The following MAN2A1 variants were observed in gnomAD, a reference collection of about 807,000 sequenced individuals.
MAN2A1 encodes alpha-mannosidase 2.
In MAN2A1, 76 loss-of-function variants were observed where a neutral mutation model predicts 142.6. The ratio of observed to expected loss-of-function variants is 0.53; its 90% CI spans 0.44 to 0.65. MAN2A1 has a LOEUF of 0.65. MAN2A1 is among the 30% of genes least tolerant of loss of function. The pLI, the probability that MAN2A1 is intolerant of heterozygous loss-of-function variation, is 0.00. For synonymous variants in MAN2A1, 559 were observed against 473.2 expected, an observed-to-expected ratio of 1.18 and a Z score of -2.35; for missense variants, 1,311 against 1,365.1, an observed-to-expected ratio of 0.96 and a Z score of 0.62.
Position 109,767,590 on chromosome 5 carries a change from G to A in MAN2A1, c.891G>A (p.Met297Ile). The change falls in exon 6 of 22, where the codon ATG becomes ATA. Residue 297 changes from methionine to isoleucine, a missense_variant. Physicochemically the swap from Met to Ile is conservative, Grantham distance 10. Coordinates refer to ENST00000261483, the MANE Select transcript of MAN2A1 (RefSeq NM_002372.4). ...AIDPFGHSPT[M>I]AYLLNRAGLS... ...ATCCCTTTGGACACTCACCAACAAT[G>A]GCTTATCTTCTAAACCGTGCTGGAC... The A allele has an allele frequency of 6.2e-7, 1 of 1,613,724 alleles. No individual in the cohort carries two copies. The highest frequency in any genetic ancestry group is 8.5e-7 in the Non-Finnish European group (1 of 1,179,736).
At chr5:109,753,235 AG>A (rs1442039650) in intron 4 of MAN2A1, among the ~76,000 whole-genome samples, 1 of 152,236 alleles carries the variant, frequency 6.6e-6, no homozygotes, top group African/African-American at 2.4e-5. Flanking sequence ...ATAACGCATA[AG>A]GGGCAGGTTT....
intron 4 of MAN2A1, among the ~76,000 whole-genome samples, chr5:109,751,770 T>A (rs562918299): frequency 6.6e-6 from 1 of 152,228 alleles, no homozygotes; most frequent in East Asian, 1.9e-4. Flanking sequence ...TAAATTCAGA[T>A]TTATTATTTT....
Position 109,819,651 on chromosome 5 carries a change from C to T in MAN2A1, c.2110-18C>T, listed in dbSNP as rs1040719509. 2 of 1,436,570 alleles carry T rather than the reference C, an allele frequency of 1.4e-6. No individual in the cohort carries two copies. The highest frequency in any genetic ancestry group is 1.4e-5 in the African/African-American group (1 of 69,020). 89.0% of individuals were successfully genotyped at this position (1,436,570 alleles called of 1,614,324 possible). A position where few individuals can be genotyped will look rare whatever the true frequency, so the allele number is the denominator to read the frequency against. The stretch of plus-strand genomic sequence containing the variant: ...ATAACATTTATCTTTAATAAATTCC[C>T]TTCCCTATCTTTTAAAGATCTCTTT... On this transcript the variant is annotated intron_variant, in intron 13 of 21. Transcript: ENST00000261483.
chr5:109,808,474 A>G (rs1754230994), intron 12 of MAN2A1, among the ~76,000 whole-genome samples: 1 of 152,046 alleles, frequency 6.6e-6, no homozygotes, highest in Non-Finnish European at 1.5e-5. Flanking sequence ...TAATAATGCA[A>G]CAAACATTTT....
At chr5:109,696,103 A>G (rs1750803442) in intron 1 of MAN2A1, among the ~76,000 whole-genome samples, 2 of 151,434 alleles carry the variant, frequency 1.3e-5, no homozygotes, top group East Asian at 1.9e-4. Context: ...TATCTAGTAT[A>G]TATCTTTTTT....
intron 5 of MAN2A1, among the ~76,000 whole-genome samples, chr5:109,762,905 A>G (rs1752891047): frequency 6.6e-6 from 1 of 152,204 alleles, no homozygotes; most frequent in African/African-American, 2.4e-5. Context: ...CATCCCATCT[A>G]AAAAATAATA....
intron 1 of MAN2A1, among the ~76,000 whole-genome samples, chr5:109,701,813 C>A (rs1561467287): frequency 6.6e-6 from 1 of 152,166 alleles, no homozygotes; most frequent in African/African-American, 2.4e-5. Flanking sequence ...CAGAAAATTT[C>A]TCCTACCTTT....
At chr5:109,693,853 A>G (rs891670399) in intron 1 of MAN2A1, among the ~76,000 whole-genome samples, 16 of 152,214 alleles carry the variant, frequency 1.1e-4, no homozygotes, top group African/African-American at 3.9e-4. Context: ...TTTCAGGGTT[A>G]ATAAATCTCA....
At chr5:109,745,232 ATTG>A (rs896160272) in intron 4 of MAN2A1, among the ~76,000 whole-genome samples, 2 of 152,208 alleles carry the variant, frequency 1.3e-5, no homozygotes, top group African/African-American at 4.8e-5. Context: ...TGTATTGTAT[ATTG>A]TTATATCTCA....
chr5:109,780,923 G>A (rs1753439426), intron 8 of MAN2A1, among the ~76,000 whole-genome samples: 1 of 152,118 alleles, frequency 6.6e-6, no homozygotes, highest in South Asian at 2.1e-4. Flanking sequence ...CGGAGATAGA[G>A]GAGGGTATGA....
At chr5:109,769,188 G>A (rs1753072336) in intron 6 of MAN2A1, among the ~76,000 whole-genome samples, 1 of 152,140 alleles carries the variant, frequency 6.6e-6, no homozygotes, top group Non-Finnish European at 1.5e-5. Context: ...CATCTACAGT[G>A]TCACCGTTGT....
chr5:109,766,047 G>A (rs1752979765), intron 5 of MAN2A1, among the ~76,000 whole-genome samples: 1 of 151,988 alleles, frequency 6.6e-6, no homozygotes, highest in Non-Finnish European at 1.5e-5. Context: ...TTGCATCTAG[G>A]TCCTTCAAGT....
chr5:109,789,591 T>C (rs1582899290), intron 12 of MAN2A1, 64 bp downstream of exon 12: 1 of 1,144,076 alleles, frequency 8.7e-7, no homozygotes, highest in Non-Finnish European at 1.2e-6. Flanking sequence ...GGTTTTATGG[T>C]TCTGGTTTTT....
At chr5:109,744,727 A>G (rs2112611119) in intron 4 of MAN2A1, among the ~76,000 whole-genome samples, 1 of 152,286 alleles carries the variant, frequency 6.6e-6, no homozygotes, top group African/African-American at 2.4e-5. Context: ...AACTTAAAAT[A>G]TATACCATGT....
intron 16 of MAN2A1, 104 bp downstream of exon 16, chr5:109,823,941 G>A: frequency 1.8e-6 from 1 of 542,330 alleles, no homozygotes; most frequent in Non-Finnish European, 3.2e-6. Flanking sequence ...TGTAGATGAT[G>A]TTTTTCTAAA....
At chr5:109,844,394 T>C (rs566272102) in intron 17 of MAN2A1, among the ~76,000 whole-genome samples, 2 of 152,326 alleles carry the variant, frequency 1.3e-5, no homozygotes, top group East Asian at 3.9e-4. Flanking sequence ...TGTGGTAGTT[T>C]TACATTTTTT....
chr5:109,729,943 T>C (rs1444920752), intron 4 of MAN2A1, among the ~76,000 whole-genome samples: 4 of 152,088 alleles, frequency 2.6e-5, no homozygotes, highest in Admixed American at 1.3e-4. Flanking sequence ...AGTGAGCCAA[T>C]ATAGTGCCAC....
At chr5:109,851,250 G>A (rs1007963960) in intron 19 of MAN2A1, among the ~76,000 whole-genome samples, 3 of 152,196 alleles carry the variant, frequency 2.0e-5, no homozygotes, top group African/African-American at 7.2e-5. Flanking sequence ...GGCTGCACGA[G>A]GTTGACCATC....
intron 12 of MAN2A1, among the ~76,000 whole-genome samples, chr5:109,792,388 A>T (rs1489143771): frequency 6.6e-6 from 1 of 151,914 alleles, no homozygotes; most frequent in African/African-American, 2.4e-5. Flanking sequence ...TTCGTGCCTG[A>T]ATTACTTCAA....
Sources: allele counts gnomAD v4.1 joint callset (sites outside exome capture counted in the v4.1 genomes callset), GRCh38; gene constraint gnomAD v4.1.1; transcripts MANE v1.5; gene names NCBI Gene and HGNC (gene_info 2026-07-23, HGNC 2026-07-21).